The following DIP2C variants were observed in gnomAD, a reference collection of about 807,000 sequenced individuals.
DIP2C encodes the protein DIP2 acetate--CoA ligase C (putative).
Under a neutral mutation model 192.4 loss-of-function variants are expected in DIP2C, and 33 were observed. The ratio of observed to expected loss-of-function variants is 0.17; its 90% CI spans 0.13 to 0.23. The LOEUF (loss-of-function observed/expected upper bound fraction) is 0.23, where lower values mean the gene tolerates loss of function less well. Among genes scored for constraint, DIP2C ranks in the 10% least tolerant of loss-of-function variants. DIP2C has a pLI of 1.00. For missense variants in DIP2C, 1,537 were observed against 2,110.1 expected (o/e 0.73, Z 5.32); for synonymous variants, 979 against 864.1 (o/e 1.13, Z -2.33).
rs534968392 is a variant in DIP2C at position 484,842 on chromosome 10, A to G, written c.157+1617T>C. 267 of 1,611,260 alleles carry G rather than the reference A, an allele frequency of 1.7e-4. 1 individual carries two copies. In the African/African-American group the frequency reaches 2.9e-3, roughly 18 times the overall value. Reference sequence around the variant, plus strand: ...TGCTGGCCACCCGCTCCCGAGCCGCAGCTTCTCGGACGTCGCACACCCCGA... The same window carrying G: ...TGCTGGCCACCCGCTCCCGAGCCGCGGCTTCTCGGACGTCGCACACCCCGA... On this transcript the variant is annotated intron_variant, in intron 2 of 36. Transcript: ENST00000280886.
chr10:439,117 G>A (rs1032412188), intron 4 of DIP2C, among the ~76,000 whole-genome samples: 3 of 152,208 alleles, frequency 2.0e-5, no homozygotes, highest in Non-Finnish European at 2.9e-5. Flanking sequence ...AAGTGCAGGA[G>A]TTACAGGCAT....
At chr10:656,168 A>C (rs1201402008) in intron 1 of DIP2C, among the ~76,000 whole-genome samples, 1 of 128,900 alleles carries the variant, frequency 7.8e-6, no homozygotes, top group African/African-American at 3.7e-5. Context: ...CTTCTATTCT[A>C]TGTTACCCTA....
chr10:511,578 T>TA (rs1846015713), intron 1 of DIP2C, among the ~76,000 whole-genome samples: 1 of 151,754 alleles, frequency 6.6e-6, no homozygotes, highest in Non-Finnish European at 1.5e-5. Context: ...CATAAAGACT[T>TA]AGAACTGTGG....
chr10:548,597 G>C lies in DIP2C; in HGVS notation c.86-62067C>G, dbSNP rs80293782. 9.8e-3 allele frequency among the ~76,000 whole-genome samples: 1,462 copies of C among 148,556 alleles called. 10 individuals are homozygous for C. Among genetic ancestry groups the C allele is most frequent in the Non-Finnish European group, 0.017 (1,117 of 67,104 alleles). On this transcript the variant is annotated intron_variant, in intron 1 of 36. Coordinates refer to ENST00000280886, the MANE Select transcript of DIP2C (RefSeq NM_014974.3). ...GGGAGGTGATGTGGCCAGAGGTGAC[G>C]TGGCAAGGGTTATGGGGGTGACATG...
chr10:348,380 C>T (rs1185649617), intron 26 of DIP2C, among the ~76,000 whole-genome samples: 1 of 152,194 alleles, frequency 6.6e-6, no homozygotes, highest in Non-Finnish European at 1.5e-5. Context: ...TGGTGATGCC[C>T]TCTCTTGGGA....
chr10:599,824 C>CAG (rs1851941402), intron 1 of DIP2C, among the ~76,000 whole-genome samples: 2 of 152,206 alleles, frequency 1.3e-5, no homozygotes, highest in African/African-American at 4.8e-5. Context: ...TAAGCATGAA[C>CAG]AGACTTTCCT....
chr10:398,181 G>A (rs1026914403), intron 10 of DIP2C, among the ~76,000 whole-genome samples: 2 of 152,110 alleles, frequency 1.3e-5, no homozygotes. Context: ...CTGATCCAGG[G>A]GAGAATTAAC....
At chr10:354,536 G>A (rs1397626873) in intron 24 of DIP2C, among the ~76,000 whole-genome samples, 2 of 152,090 alleles carry the variant, frequency 1.3e-5, no homozygotes, top group Admixed American at 1.3e-4. Context: ...CGTATATGGG[G>A]GTCTGCTACT....
At chr10:399,257 G>A (rs1488215664) in intron 9 of DIP2C, 38 bp from the exon 10 acceptor site, 13 of 1,558,530 alleles carry the variant, frequency 8.3e-6, no homozygotes, top group Non-Finnish European at 1.1e-5. Flanking sequence ...ATTAACGTGG[G>A]GTCCTGGCTT....
At chr10:423,927 T>A (rs1447448483) in intron 4 of DIP2C, among the ~76,000 whole-genome samples, 1 of 152,170 alleles carries the variant, frequency 6.6e-6, no homozygotes, top group Non-Finnish European at 1.5e-5. Context: ...TACATTCTCA[T>A]TATTGATTTT....
chr10:523,460 T>A (rs2445590), intron 1 of DIP2C, among the ~76,000 whole-genome samples: 1 of 10,590 alleles, frequency 9.4e-5, no homozygotes, highest in African/African-American at 3.2e-4. Flanking sequence ...TCGTTTCTAC[T>A]GGATGCAAAG....
At chr10:523,906 C>T (rs1846891009) in intron 1 of DIP2C, among the ~76,000 whole-genome samples, 1 of 152,244 alleles carries the variant, frequency 6.6e-6, no homozygotes, top group Non-Finnish European at 1.5e-5. Flanking sequence ...TAAAAATTCG[C>T]AGCCCAGGAA....
At chr10:665,543 A>G (rs1043925734) in intron 1 of DIP2C, 2 of 152,214 alleles carry the variant, frequency 1.3e-5, no homozygotes, top group African/African-American at 2.4e-5. Flanking sequence ...GACATTTCCA[A>G]AAGGAAAGCA....
At chr10:299,910 G>A (rs867792798) in intron 32 of DIP2C, among the ~76,000 whole-genome samples, 11 of 152,274 alleles carry the variant, frequency 7.2e-5, no homozygotes, top group Middle Eastern at 6.8e-3. Context: ...AGCAAGAGAA[G>A]ATGTTCGACA....
chr10:466,008 T>C (rs968819354), intron 3 of DIP2C, among the ~76,000 whole-genome samples: 1 of 151,994 alleles, frequency 6.6e-6, no homozygotes, highest in East Asian at 1.9e-4. Context: ...AAGCTACCAA[T>C]GACTTTCTTC....
chr10:679,521 A>ATCTCTACTCCCCACACCCC (rs550416614), intron 1 of DIP2C, among the ~76,000 whole-genome samples: 3 of 1,598 alleles, frequency 1.9e-3, no homozygotes, highest in Non-Finnish European at 5.5e-3. Flanking sequence ...CCCCACGCCC[A>ATCTCTACTCCCCACACCCC]TGCTCCCCAC....
intron 1 of DIP2C, among the ~76,000 whole-genome samples, chr10:621,320 C>A (rs1321123056): frequency 2.0e-5 from 3 of 151,094 alleles, no homozygotes; most frequent in Non-Finnish European, 2.9e-5. Flanking sequence ...CCCACACACA[C>A]CCCCAAGGTG....
chr10:503,425 G>C (rs562936835), intron 1 of DIP2C, among the ~76,000 whole-genome samples: 1 of 152,322 alleles, frequency 6.6e-6, no homozygotes, highest in South Asian at 2.1e-4. Flanking sequence ...CCACAAAAGA[G>C]AGTGGCAGTG....
At chr10:512,929 A>G (rs1261295406) in intron 1 of DIP2C, among the ~76,000 whole-genome samples, 1 of 151,198 alleles carries the variant, frequency 6.6e-6, no homozygotes, top group African/African-American at 2.4e-5. Flanking sequence ...CAGGAAAAAA[A>G]AAAAAAAAAA....
Sources: allele counts gnomAD v4.1 joint callset (sites outside exome capture counted in the v4.1 genomes callset), GRCh38; gene constraint gnomAD v4.1.1; transcripts MANE v1.5; gene names NCBI Gene and HGNC (gene_info 2026-07-23, HGNC 2026-07-21).